The following CCDC33 variants were observed in gnomAD, a reference collection of about 807,000 sequenced individuals.
The protein encoded by CCDC33 is coiled-coil domain-containing protein 33.
A neutral mutation model predicts 91.9 loss-of-function variants in CCDC33; 94 were observed. The observed-to-expected ratio is 1.02, with a 90% CI of 0.87 to 1.21. CCDC33 has a LOEUF of 1.21. CCDC33 is among the 50% of genes most tolerant of loss of function. The pLI is 0.00. For synonymous variants in CCDC33, 396 were observed against 374.5 expected (o/e 1.06, Z -0.66); for missense variants, 940 against 935.5 (o/e 1.00, Z -0.06).
Position 74,244,170 on chromosome 15 carries a change from G to T in CCDC33, c.185+22G>T. The T allele has an allele frequency of 6.3e-7, 1 of 1,597,892 alleles. No individual in the cohort carries two copies. Among genetic ancestry groups the T allele is most frequent in the Non-Finnish European group, 8.5e-7 (1 of 1,169,948 alleles). On this transcript the variant is annotated intron_variant, in intron 2 of 18. Coordinates refer to ENST00000398814, the MANE Select transcript of CCDC33 (RefSeq NM_025055.5). The surrounding 1 kb of genome is among the most constrained non-coding windows in gnomAD (Gnocchi z 4.2). ...TGGTGTAAGTAGCTGCGTGAGAGTGGGGGCAGGGGATGGGTTGGGCTGTGA... is the reference window on the plus strand; with the variant it reads ...TGGTGTAAGTAGCTGCGTGAGAGTGTGGGCAGGGGATGGGTTGGGCTGTGA...
chr15:74,228,061 C>T (rs2074856250), intron 2 of CCDC33, among the ~76,000 whole-genome samples: 1 of 152,160 alleles, frequency 6.6e-6, no homozygotes, highest in East Asian at 1.9e-4. Flanking sequence ...ATGCAGGAAG[C>T]ATTTGTTGAA....
chr15:74,315,067 G>T (rs2060064988), intron 11 of CCDC33, among the ~76,000 whole-genome samples: 1 of 152,202 alleles, frequency 6.6e-6, no homozygotes, highest in South Asian at 2.1e-4. Context: ...GAATGTATGA[G>T]CCAGACCTGG....
At chr15:74,228,322 T>C (rs2074863988) in intron 2 of CCDC33, among the ~76,000 whole-genome samples, 1 of 152,192 alleles carries the variant, frequency 6.6e-6, no homozygotes, top group South Asian at 2.1e-4. Context: ...GCACCTCCTT[T>C]CCTCATCTGT....
At chr15:74,296,539 T>C (rs982983469) in intron 11 of CCDC33, among the ~76,000 whole-genome samples, 58 of 152,106 alleles carry the variant, frequency 3.8e-4, no homozygotes, top group African/African-American at 1.3e-3. Flanking sequence ...GGCGGGAGAA[T>C]CACTTGAACC....
intron 11 of CCDC33, chr15:74,311,465 A>G: frequency 6.6e-6 from 1 of 152,374 alleles, no homozygotes. Context: ...GCAGGATCTC[A>G]ACCCCTCCAG....
chr15:74,257,294 T>G (rs954159180), intron 2 of CCDC33, among the ~76,000 whole-genome samples: 1 of 152,250 alleles, frequency 6.6e-6, no homozygotes, highest in African/African-American at 2.4e-5. Flanking sequence ...AAGGACCAGC[T>G]GCCCTGCCGT....
chr15:74,320,303 C>A (rs1015301116), intron 11 of CCDC33, among the ~76,000 whole-genome samples: 1 of 152,154 alleles, frequency 6.6e-6, no homozygotes, highest in Admixed American at 6.5e-5. Context: ...CCACACCTTC[C>A]CTCAGTGTTC....
At chr15:74,220,698 G>T (rs1424733139) in intron 2 of CCDC33, among the ~76,000 whole-genome samples, 1 of 152,188 alleles carries the variant, frequency 6.6e-6, no homozygotes, top group Non-Finnish European at 1.5e-5. Context: ...CCCTCTTAAA[G>T]TGTCAGATGT....
intron 2 of CCDC33, among the ~76,000 whole-genome samples, chr15:74,223,133 G>A (rs919729934): frequency 3.3e-5 from 5 of 152,038 alleles, no homozygotes; most frequent in East Asian, 3.9e-4. Flanking sequence ...GCACCTCTTC[G>A]TTCATGCCCC....
chr15:74,246,570 G>T (rs2075535791), intron 2 of CCDC33, among the ~76,000 whole-genome samples: 1 of 152,130 alleles, frequency 6.6e-6, no homozygotes, highest in Non-Finnish European at 1.5e-5. Context: ...ACATGAAAAG[G>T]TGCACATCGC....
Position 74,325,207 on chromosome 15 carries a change from T to G in CCDC33, c.1291-4982T>G, listed in dbSNP as rs1410985087. ...CATCTTGCCACAAACCCCCTCCAGC[T>G]TAGGCCCTTCACTGGCCTGCAGGAT... On this transcript the variant is annotated intron_variant, in intron 11 of 18. Transcript: ENST00000398814. 2.0e-5 allele frequency among the ~76,000 whole-genome samples: 3 copies of G among 151,832 alleles called. No individual in the cohort carries two copies. The East Asian group carries it at 5.9e-4, about 30-fold the overall frequency.
chr15:74,283,964 C>G (rs147953301), intron 10 of CCDC33, among the ~76,000 whole-genome samples: 82 of 152,356 alleles, frequency 5.4e-4, no homozygotes, highest in African/African-American at 1.9e-3. Flanking sequence ...AACTGACACA[C>G]AGATGTTTTC....
chr15:74,219,778 G>A (rs577217274), intron 2 of CCDC33, among the ~76,000 whole-genome samples: 34 of 152,210 alleles, frequency 2.2e-4, no homozygotes, highest in Non-Finnish European at 4.4e-4. Flanking sequence ...TGCCTGCCAA[G>A]TGGGTAAGAC....
intron 11 of CCDC33, among the ~76,000 whole-genome samples, chr15:74,326,079 C>G (rs907565739): frequency 2.0e-5 from 3 of 152,180 alleles, no homozygotes; most frequent in Admixed American, 2.0e-4. Context: ...AATCCCAGCA[C>G]TTTGGGAGGT....
chr15:74,272,780 G>A lies in CCDC33; in HGVS notation c.648G>A (p.Gln216=), dbSNP rs765562344. 6.2e-7 allele frequency: 1 copy of A among 1,614,112 alleles called. No homozygotes were observed. Among genetic ancestry groups the A allele is most frequent in the Non-Finnish European group, 8.5e-7 (1 of 1,180,010 alleles). Residue 216 remains glutamine, a synonymous_variant, in exon 7 of 19, where the codon CAG becomes CAA. Coordinates refer to ENST00000398814, the MANE Select transcript of CCDC33 (RefSeq NM_025055.5). The part of the protein sequence containing the change: ...VPNYKEFKVS[Q]ANRDLASVGL... ...CTCCCTGCCTCCCCAGGGTCAGCCAGGCTAACAGGGACCTGGCCTCTGTGG... is the reference window on the plus strand; with the variant it reads ...CTCCCTGCCTCCCCAGGGTCAGCCAAGCTAACAGGGACCTGGCCTCTGTGG...
rs375741780 is a variant in CCDC33, at chr15:74,278,510, G to C, written c.760-1453G>C. Among the ~76,000 whole-genome samples, 41 of 152,340 alleles carry C rather than the reference G, an allele frequency of 2.7e-4. No homozygotes were observed. In the East Asian group the frequency reaches 6.9e-3, roughly 26 times the overall value. Reference sequence around the variant, plus strand: ...CCCTGTGCTGGGACCCTGCAGGGCTGCCTGCTGGGAGTTATGGGCCGATGG... The same window carrying C: ...CCCTGTGCTGGGACCCTGCAGGGCTCCCTGCTGGGAGTTATGGGCCGATGG... On this transcript the variant is annotated intron_variant, in intron 7 of 18. Coordinates refer to ENST00000398814, the MANE Select transcript of CCDC33 (RefSeq NM_025055.5).
chr15:74,288,509 G>T (rs1268132928), intron 10 of CCDC33, among the ~76,000 whole-genome samples: 1 of 152,162 alleles, frequency 6.6e-6, no homozygotes, highest in South Asian at 2.1e-4. Flanking sequence ...CCTAGCTTTG[G>T]TTCTATTTTA....
At position 74,295,950 on chromosome 15, in the gene CCDC33, T is replaced by C; in HGVS notation, c.1290+2T>C. On this transcript the variant is annotated splice_donor_variant, in intron 11 of 18. Coordinates refer to ENST00000398814, the MANE Select transcript of CCDC33 (RefSeq NM_025055.5). LOFTEE classifies it high-confidence loss of function. ...GTGCCTGAGATGTCCCATGACACAG[T>C]GAGTGTCTCTCCCCAGGTGGGAAGG... 6.2e-7 allele frequency: 1 copy of C among 1,608,388 alleles called. No homozygotes were observed. The highest frequency in any genetic ancestry group is 1.1e-5 in the South Asian group (1 of 90,114).
intron 10 of CCDC33, among the ~76,000 whole-genome samples, chr15:74,282,610 A>G (rs1018261004): frequency 3.3e-5 from 5 of 152,232 alleles, no homozygotes; most frequent in African/African-American, 9.6e-5. Flanking sequence ...CAACGGTGCC[A>G]TGTAACAAAC....
Sources: allele counts gnomAD v4.1 joint callset (sites outside exome capture counted in the v4.1 genomes callset), GRCh38; gene constraint gnomAD v4.1.1; non-coding constraint Gnocchi (gnomAD v3.1); transcripts MANE v1.5; gene names NCBI Gene and HGNC (gene_info 2026-07-23, HGNC 2026-07-21).